Variants in CSNK1G3 observed in about 807,000 individuals in gnomAD.
CSNK1G3 encodes casein kinase 1 gamma 3, also known as casein kinase I isoform gamma-3.
In CSNK1G3, 23 loss-of-function variants were observed where a neutral mutation model predicts 64.3. The observed-to-expected ratio is 0.36, with a 90% CI of 0.26 to 0.51. The LOEUF (loss-of-function observed/expected upper bound fraction) is 0.51, where lower values mean the gene tolerates loss of function less well. Ranked by LOEUF, CSNK1G3 falls within the 20% of genes least tolerant of loss-of-function variation. The probability of loss-of-function intolerance (pLI) is 0.96; values close to 1 mark genes in which losing one functional copy is unlikely to be tolerated. For missense variants in CSNK1G3, 357 were observed against 510.5 expected (o/e 0.70, Z 2.90); for synonymous variants, 158 against 162.2 (o/e 0.97, Z 0.20).
chr5:123,583,474 C>T (rs924148558), intron 6 of CSNK1G3, among the ~76,000 whole-genome samples: 2 of 152,112 alleles, frequency 1.3e-5, no homozygotes, highest in South Asian at 4.1e-4. Flanking sequence ...GATTCTCCTG[C>T]CTCAGCCTCC....
exon 5 of CSNK1G3, chr5:123,573,402 C>T: frequency 6.2e-7 from 1 of 1,613,668 alleles, no homozygotes; most frequent in Non-Finnish European, 8.5e-7. Flanking sequence ...GATGGTATAC[C>T]TCAAGTTTAC....
chr5:123,586,590 A>G (rs879350743), intron 6 of CSNK1G3, among the ~76,000 whole-genome samples: 10 of 152,208 alleles, frequency 6.6e-5, no homozygotes, highest in Non-Finnish European at 1.2e-4. Context: ...TCACATTTTT[A>G]GCATGCGAAA....
At chr5:123,545,990 T>A in intron 2 of CSNK1G3, 149 bp downstream of exon 2, 2 of 733,430 alleles carry the variant, frequency 2.7e-6, no homozygotes, top group Non-Finnish European at 4.4e-6. Flanking sequence ...ATTTCTTTTG[T>A]AGTTGTATTT....
At chr5:123,576,377 A>G (rs1789167970) in intron 6 of CSNK1G3, among the ~76,000 whole-genome samples, 2 of 152,206 alleles carry the variant, frequency 1.3e-5, no homozygotes, top group Non-Finnish European at 2.9e-5. Flanking sequence ...CCTAATAAGT[A>G]TAATGCTAAC....
At chr5:123,553,813 G>T (rs529448409) in intron 3 of CSNK1G3, among the ~76,000 whole-genome samples, 1 of 152,178 alleles carries the variant, frequency 6.6e-6, no homozygotes, top group African/African-American at 2.4e-5. Context: ...TTGCAGCCAG[G>T]TTTCCCTGTT....
Position 123,560,293 on chromosome 5 carries a change from C to A in CSNK1G3, c.289+2729C>A, listed in dbSNP as rs112410101. On this transcript the variant is annotated intron_variant, in intron 4 of 12. Transcript: ENST00000345990. ...TGGTGTAAAAATTTAAAAAAGCCAC[C>A]GTGGAAAATTGTATGTTGATTCTTC... Among the ~76,000 whole-genome samples, 905 of 152,098 alleles carry A rather than the reference C, an allele frequency of 6.0e-3. 9 individuals are homozygous for A. The highest frequency in any genetic ancestry group is 0.02 in the African/African-American group (844 of 41,486).
chr5:123,588,564 A>G (rs1791749393), intron 8 of CSNK1G3, 53 bp downstream of exon 8: 1 of 1,082,446 alleles, frequency 9.2e-7, no homozygotes, highest in Non-Finnish European at 1.4e-6. Context: ...AGAAATGCTA[A>G]TTTTTATTGC....
intron 3 of CSNK1G3, among the ~76,000 whole-genome samples, 161 bp downstream of exon 3, chr5:123,553,308 C>A (rs952116604): frequency 2.6e-5 from 4 of 152,072 alleles, no homozygotes; most frequent in Non-Finnish European, 4.4e-5. Flanking sequence ...CTAACATCAT[C>A]CTGCTCTTAA....
intron 1 of CSNK1G3, among the ~76,000 whole-genome samples, chr5:123,517,313 A>C (rs755668161): frequency 6.6e-6 from 1 of 152,174 alleles, no homozygotes; most frequent in Non-Finnish European, 1.5e-5. Context: ...CAGTTACTGT[A>C]GACTTACCAA....
chr5:123,562,415 A>G (rs1472559901), intron 4 of CSNK1G3, among the ~76,000 whole-genome samples: 1 of 152,114 alleles, frequency 6.6e-6, no homozygotes, highest in African/African-American at 2.4e-5. Flanking sequence ...TGGTAGCAGA[A>G]TGATTGGCAC....
chr5:123,575,629 AT>A (rs1581222458), intron 5 of CSNK1G3, 99 bp from the exon 6 acceptor site: 8 of 689,512 alleles, frequency 1.2e-5, no homozygotes, highest in African/African-American at 1.8e-5. Flanking sequence ...TTTCTGATTT[AT>A]TTCTTTTGTA....
intron 4 of CSNK1G3, among the ~76,000 whole-genome samples, chr5:123,561,622 G>T (rs557269765): frequency 6.6e-6 from 1 of 152,248 alleles, no homozygotes; most frequent in African/African-American, 2.4e-5. Context: ...AGGAAGAAAT[G>T]AAATTACTAT....
chr5:123,613,356 T>G (rs1561641290), intron 12 of CSNK1G3, among the ~76,000 whole-genome samples: 2 of 151,900 alleles, frequency 1.3e-5, no homozygotes, highest in Admixed American at 1.3e-4. Context: ...ACATTCCTCC[T>G]GCCTCAGCCT....
At chr5:123,587,582 A>C (rs1208611075) in intron 6 of CSNK1G3, among the ~76,000 whole-genome samples, 1 of 152,222 alleles carries the variant, frequency 6.6e-6, no homozygotes, top group African/African-American at 2.4e-5. Flanking sequence ...AAAATATATT[A>C]CACACAATAC....
intron 10 of CSNK1G3, among the ~76,000 whole-genome samples, chr5:123,594,725 G>A (rs1793096708): frequency 6.6e-6 from 1 of 151,992 alleles, no homozygotes. Context: ...CTTGGTCATG[G>A]CATTTTTACC....
chr5:123,610,736 G>C (rs1428708146), intron 12 of CSNK1G3, among the ~76,000 whole-genome samples: 1 of 152,134 alleles, frequency 6.6e-6, no homozygotes, highest in Non-Finnish European at 1.5e-5. Flanking sequence ...CACATTTTGA[G>C]AGGCTGAGGT....
chr5:123,536,635 G>A (rs1298354613), intron 1 of CSNK1G3, among the ~76,000 whole-genome samples: 3 of 151,928 alleles, frequency 2.0e-5, no homozygotes, highest in Non-Finnish European at 4.4e-5. Context: ...TCACTATATA[G>A]TATGTGTATT....
chr5:123,597,384 C>T (rs544577309), intron 10 of CSNK1G3, among the ~76,000 whole-genome samples: 1 of 152,170 alleles, frequency 6.6e-6, no homozygotes, highest in East Asian at 1.9e-4. Context: ...AAGTCACTGT[C>T]TGGTATTGAA....
chr5:123,585,242 G>C (rs556746143), intron 6 of CSNK1G3, among the ~76,000 whole-genome samples: 1 of 151,958 alleles, frequency 6.6e-6, no homozygotes, highest in East Asian at 1.9e-4. Context: ...AACTATATGA[G>C]AGTAGCTAGA....
Sources: gnomAD v4.1 joint callset for allele counts (sites outside exome capture counted in the v4.1 genomes callset) on GRCh38, gnomAD v4.1.1 for gene constraint, MANE v1.5 for transcripts, NCBI Gene and HGNC (gene_info 2026-07-23, HGNC 2026-07-21) for gene names.